Variants in PCDHGA1 observed in about 807,000 individuals in gnomAD.
The protein encoded by PCDHGA1 is protocadherin gamma-A1.
Under a neutral mutation model 58.0 loss-of-function variants are expected in PCDHGA1, and 32 were observed. The ratio of observed to expected loss-of-function variants is 0.55; its 90% CI spans 0.42 to 0.74. The LOEUF (loss-of-function observed/expected upper bound fraction) is 0.74. Ranked by LOEUF, PCDHGA1 falls within the 30% of genes least tolerant of loss-of-function variation. The pLI, the probability that PCDHGA1 is intolerant of heterozygous loss-of-function variation, is 0.00. For synonymous variants in PCDHGA1, 498 were observed against 501.1 expected (o/e 0.99, Z 0.08); for missense variants, 1,205 against 1,182.3 (o/e 1.02, Z -0.28).
rs770788893 is a variant in PCDHGA1 at position 141,403,151 on chromosome 5, G to T, written c.2421+70046G>T. On this transcript the variant is annotated intron_variant, in intron 1 of 3. Coordinates refer to ENST00000517417, the MANE Select transcript of PCDHGA1 (RefSeq NM_018912.3). ...GCTGGCGGAGCGCCGAGTCCGCATC[G>T]TCTCTAGAGGTAGGACGCAGCTTTT... 1.3e-5 allele frequency: 21 copies of T among 1,613,914 alleles called. No individual in the cohort carries two copies. In the Admixed American group the frequency reaches 3.5e-4, roughly 27 times the overall value.
At chr5:141,360,220 C>T in intron 1 of PCDHGA1, 1 of 1,613,660 alleles carries the variant, frequency 6.2e-7, no homozygotes, top group Non-Finnish European at 8.5e-7. Context: ...CCCCGGGGCT[C>T]TCCCAGTCCA....
chr5:141,476,825 G>A lies in PCDHGA1; in HGVS notation c.2422-17982G>A. ...GCCTATTCACATCAAGGTGCTGGACGCGAATGACAATGCGCCTGTCTTCAA... is the reference window on the plus strand; with the variant it reads ...GCCTATTCACATCAAGGTGCTGGACACGAATGACAATGCGCCTGTCTTCAA... On this transcript the variant is annotated intron_variant, in intron 1 of 3. Transcript: ENST00000517417. The surrounding 1 kb of genome is among the most constrained non-coding windows in gnomAD (Gnocchi z 7.6). 6.2e-7 allele frequency: 1 copy of A among 1,613,554 alleles called. No individual in the cohort carries two copies. Among genetic ancestry groups the A allele is most frequent in the East Asian group, 2.2e-5 (1 of 44,870 alleles).
At chr5:141,377,453 C>T (rs1242702883) in intron 1 of PCDHGA1, 1 of 151,916 alleles carries the variant, frequency 6.6e-6, no homozygotes, top group Non-Finnish European at 1.5e-5. Flanking sequence ...AAAAAGTAGC[C>T]AGATGTGTGG....
intron 1 of PCDHGA1, among the ~76,000 whole-genome samples, chr5:141,347,870 G>A (rs1314209544): frequency 1.3e-5 from 2 of 152,048 alleles, no homozygotes; most frequent in Non-Finnish European, 2.9e-5. Flanking sequence ...GCTTATGTGT[G>A]TATTCATTTT....
In PCDHGA1 at chr5:141,408,707, G is replaced by A. The variant is rs899200128; in HGVS notation, c.2421+75602G>A. On this transcript the variant is annotated intron_variant, in intron 1 of 3. Coordinates refer to ENST00000517417, the MANE Select transcript of PCDHGA1 (RefSeq NM_018912.3). ...TGATATAAACATAAACTCAATTAAAGATTATAAGATAAACTCTAATCCTTA... is the reference window on the plus strand; with the variant it reads ...TGATATAAACATAAACTCAATTAAAAATTATAAGATAAACTCTAATCCTTA... 1.9e-6 allele frequency: 3 copies of A among 1,612,764 alleles called. No homozygotes were observed. In the African/African-American group the frequency reaches 4.0e-5, roughly 22 times the overall value.
At chr5:141,380,830 A>T (rs1205839306) in intron 1 of PCDHGA1, among the ~76,000 whole-genome samples, 1 of 152,264 alleles carries the variant, frequency 6.6e-6, no homozygotes, top group Non-Finnish European at 1.5e-5. Flanking sequence ...ATTTTGAGGC[A>T]TCAGGTAAAA....
intron 1 of PCDHGA1, chr5:141,360,103 T>A (rs1233715978): frequency 1.3e-6 from 2 of 1,539,284 alleles, no homozygotes; most frequent in Non-Finnish European, 1.7e-6. Flanking sequence ...GGCTTATTCC[T>A]CCTATGGGCA....
rs3074545 is a variant in PCDHGA1, at chr5:141,482,530, C to CAAAAAAA, written c.2422-12264_2422-12258dup. On this transcript the variant is annotated intron_variant, in intron 1 of 3. Coordinates refer to ENST00000517417, the MANE Select transcript of PCDHGA1 (RefSeq NM_018912.3). ...CAGAGTACAGTATGAGACAGACATG[C>CAAAAAAA]AAAAAAAAAAAAAAAAAAAGATAAT... Among the ~76,000 whole-genome samples the CAAAAAAA allele has an allele frequency of 6.5e-4, 50 of 76,534 alleles. 2 individuals are homozygous for CAAAAAAA. The highest frequency in any genetic ancestry group is 1.7e-3 in the African/African-American group (35 of 20,860). 50.2% of individuals were successfully genotyped at this position (76,534 alleles called of 152,430 possible).
chr5:141,476,743 T>A lies in PCDHGA1; in HGVS notation c.2422-18064T>A. On this transcript the variant is annotated intron_variant, in intron 1 of 3. Coordinates refer to ENST00000517417, the MANE Select transcript of PCDHGA1 (RefSeq NM_018912.3). The surrounding 1 kb of genome is among the most constrained non-coding windows in gnomAD (Gnocchi z 7.6). ...CCCTGGACCGAGAACGGGAGCCTAG[T>A]CTCCAGTTAGTGCTGACGGCGTTGG... is the stretch of plus-strand genomic sequence containing the variant. The A allele has an allele frequency of 6.2e-7, 1 of 1,613,932 alleles. No individual in the cohort carries two copies. The highest frequency in any genetic ancestry group is 1.1e-5 in the South Asian group (1 of 91,064).
chr5:141,500,365 C>T (rs888624200), intron 2 of PCDHGA1, among the ~76,000 whole-genome samples: 5 of 151,956 alleles, frequency 3.3e-5, no homozygotes, highest in South Asian at 2.1e-4. Flanking sequence ...CCCACTACCA[C>T]GCCCGGCTAA....
rs749912760 is a variant in PCDHGA1, at chr5:141,344,107, A to G, written c.2421+11002A>G. 11 of 1,613,998 alleles carry G rather than the reference A, an allele frequency of 6.8e-6. No individual in the cohort carries two copies. In the South Asian group the frequency reaches 1.1e-4, roughly 16 times the overall value. ...TGCGCGCTCCTGGGGACGCTGTGCG[A>G]AACAGGATCCGGTCAGATCCGCTAC... On this transcript the variant is annotated intron_variant, in intron 1 of 3. Coordinates refer to ENST00000517417, the MANE Select transcript of PCDHGA1 (RefSeq NM_018912.3).
intron 1 of PCDHGA1, chr5:141,390,069 C>A: frequency 6.2e-7 from 1 of 1,614,076 alleles, no homozygotes; most frequent in Non-Finnish European, 8.5e-7. Context: ...CCAGCCTGGT[C>A]TCTGTGTTAA....
chr5:141,365,735 GTC>G (rs779265335), intron 1 of PCDHGA1: 509 of 1,613,626 alleles, frequency 3.2e-4, no homozygotes, highest in Non-Finnish European at 3.1e-4. Flanking sequence ...TCCCAGAGGT[GTC>G]TCTATCTTCT....
In PCDHGA1 at chr5:141,491,771, G is replaced by C. The variant is rs760915700; in HGVS notation, c.2422-3036G>C. ...GGAGAAGCCGCCCGTCCTCATAAGG[G>C]ATTGAACTTGCATCCACTCCTCTCC... On this transcript the variant is annotated intron_variant, in intron 1 of 3. Coordinates refer to ENST00000517417, the MANE Select transcript of PCDHGA1 (RefSeq NM_018912.3). The surrounding 1 kb of genome is among the most constrained non-coding windows in gnomAD (Gnocchi z 6.9). 6.4e-7 allele frequency: 1 copy of C among 1,558,290 alleles called. No individual in the cohort carries two copies. Among genetic ancestry groups the C allele is most frequent in the Non-Finnish European group, 8.7e-7 (1 of 1,153,586 alleles).
chr5:141,423,323 C>A (rs200492485), intron 1 of PCDHGA1: 91 of 1,614,146 alleles, frequency 5.6e-5, no homozygotes, highest in Non-Finnish European at 4.2e-6. Flanking sequence ...GTGGCGGTGG[C>A]CGCAGTCTCC....
chr5:141,357,302 C>T, intron 1 of PCDHGA1: 1 of 1,614,086 alleles, frequency 6.2e-7, no homozygotes, highest in Non-Finnish European at 8.5e-7. Flanking sequence ...GCCGCTGTCT[C>T]CTGCGTCTTC....
intron 1 of PCDHGA1, chr5:141,357,826 T>A (rs1760741595): frequency 1.5e-6 from 1 of 686,352 alleles, no homozygotes; most frequent in Non-Finnish European, 2.4e-6. Context: ...TCCTTTTTGG[T>A]CTTCATTCAG....
Position 141,433,071 on chromosome 5 carries a change from C to T in PCDHGA1, c.2422-61736C>T, listed in dbSNP as rs2097566106. On this transcript the variant is annotated intron_variant, in intron 1 of 3. Transcript: ENST00000517417. ...TCGCGGAAGAGTCACCTGATCTTCC[C>T]CCAGCCCAACTATGCAGACATGCTC... 2.5e-6 allele frequency: 4 copies of T among 1,614,154 alleles called. No homozygotes were observed. The East Asian group carries it at 8.9e-5, about 36-fold the overall frequency.
chr5:141,351,655 C>T, intron 1 of PCDHGA1: 2 of 1,614,068 alleles, frequency 1.2e-6, no homozygotes, highest in Non-Finnish European at 1.7e-6. Context: ...CACCTGGCGC[C>T]TCCATTGCAC....
Sources: gnomAD v4.1 joint callset for allele counts (sites outside exome capture counted in the v4.1 genomes callset) on GRCh38, gnomAD v4.1.1 for gene constraint, Gnocchi (gnomAD v3.1) non-coding constraint, MANE v1.5 for transcripts, NCBI Gene and HGNC (gene_info 2026-07-23, HGNC 2026-07-21) for gene names.